Variants in CCSER1 observed in about 807,000 individuals in gnomAD.
The protein encoded by CCSER1 is coiled-coil serine rich protein 1.
CCSER1 carries 41 observed loss-of-function variants against 82.0 expected under a neutral mutation model. That is an observed-to-expected ratio of 0.50 (90% confidence interval 0.39 to 0.65). The LOEUF (loss-of-function observed/expected upper bound fraction) is 0.65, where lower values mean the gene tolerates loss of function less well. Ranked by LOEUF, CCSER1 falls within the 30% of genes least tolerant of loss-of-function variation. The pLI is 0.00. For missense variants in CCSER1, 1,119 were observed against 1,064.2 expected (o/e 1.05, Z -0.72); for synonymous variants, 414 against 383.9 (o/e 1.08, Z -0.92).
intron 5 of CCSER1, among the ~76,000 whole-genome samples, chr4:90,574,185 G>C (rs1215812853): frequency 1.4e-5 from 2 of 146,410 alleles, no homozygotes; most frequent in African/African-American, 5.1e-5. Context: ...CAGTTATTTA[G>C]CTTGTTTACA....
intron 4 of CCSER1, among the ~76,000 whole-genome samples, chr4:90,450,723 C>A (rs141846005): frequency 6.6e-6 from 1 of 152,140 alleles, no homozygotes; most frequent in Non-Finnish European, 1.5e-5. Flanking sequence ...AGCCCTCACC[C>A]CCATTCTGGG....
chr4:90,516,595 C>G (rs1772306269), intron 5 of CCSER1, among the ~76,000 whole-genome samples: 1 of 152,154 alleles, frequency 6.6e-6, no homozygotes, highest in African/African-American at 2.4e-5. Flanking sequence ...CCCTGCTTTA[C>G]CTTCTGCCCT....
intron 3 of CCSER1, among the ~76,000 whole-genome samples, chr4:90,317,953 T>C (rs938571928): frequency 3.9e-5 from 6 of 152,148 alleles, no homozygotes; most frequent in African/African-American, 1.4e-4. Flanking sequence ...TAATAATGAG[T>C]TTCCTGTATC....
At chr4:90,658,510 T>C (rs1291972543) in intron 6 of CCSER1, among the ~76,000 whole-genome samples, 1 of 152,144 alleles carries the variant, frequency 6.6e-6, no homozygotes, top group Non-Finnish European at 1.5e-5. Flanking sequence ...TTAAGACCTG[T>C]CATTCTCAAC....
intron 1 of CCSER1, among the ~76,000 whole-genome samples, chr4:90,302,297 A>G (rs1308027069): frequency 2.6e-5 from 4 of 152,218 alleles, no homozygotes; most frequent in Admixed American, 6.5e-5. Context: ...TATGTAAGCT[A>G]ATACTTGAGG....
At chr4:90,437,101 G>A (rs1012321121) in intron 4 of CCSER1, among the ~76,000 whole-genome samples, 20 of 152,124 alleles carry the variant, frequency 1.3e-4, no homozygotes, top group African/African-American at 4.3e-4. Flanking sequence ...GATTTCAGGC[G>A]TGAGCCACCG....
At chr4:90,296,718 C>G (rs1209743103) in intron 1 of CCSER1, among the ~76,000 whole-genome samples, 1 of 152,142 alleles carries the variant, frequency 6.6e-6, no homozygotes, top group African/African-American at 2.4e-5. Flanking sequence ...TATGGCTACC[C>G]AGTTTCCCCA....
intron 9 of CCSER1, among the ~76,000 whole-genome samples, chr4:90,982,130 G>A (rs985891463): frequency 7.9e-5 from 12 of 151,776 alleles, no homozygotes; most frequent in African/African-American, 2.4e-4. Flanking sequence ...CTTAACAAAC[G>A]TTTCTTACAG....
chr4:91,109,484 T>C (rs11097300), intron 10 of CCSER1, among the ~76,000 whole-genome samples: 15,101 of 151,714 alleles, frequency 0.1, 973 homozygotes, highest in East Asian at 0.27. Context: ...TAGGTAGTCC[T>C]AAGTTAAAAA....
At chr4:90,706,192 C>T (rs1739309592) in intron 6 of CCSER1, among the ~76,000 whole-genome samples, 1 of 152,206 alleles carries the variant, frequency 6.6e-6, no homozygotes, top group Non-Finnish European at 1.5e-5. Context: ...TAAAAGTTAC[C>T]TAGTTTATGG....
chr4:91,325,770 C>T (rs1374133584), intron 10 of CCSER1, among the ~76,000 whole-genome samples: 2 of 152,172 alleles, frequency 1.3e-5, no homozygotes, highest in Non-Finnish European at 2.9e-5. Flanking sequence ...ATCAATATGA[C>T]TTCAGCCTTC....
chr4:90,614,755 G>A (rs1343232439), intron 5 of CCSER1, among the ~76,000 whole-genome samples: 1 of 152,200 alleles, frequency 6.6e-6, no homozygotes, highest in African/African-American at 2.4e-5. Flanking sequence ...TAAAATAAAA[G>A]TGTAAGGTAA....
chr4:90,932,526 G>T (rs988461097), intron 9 of CCSER1, among the ~76,000 whole-genome samples: 1 of 151,758 alleles, frequency 6.6e-6, no homozygotes, highest in Non-Finnish European at 1.5e-5. Flanking sequence ...TTAAGTTTTG[G>T]GGGTTATAAG....
intron 10 of CCSER1, chr4:91,319,516 A>G (rs925893714): frequency 2.6e-6 from 1 of 386,026 alleles, no homozygotes; most frequent in Admixed American, 3.0e-5. Flanking sequence ...GAACTTTGTT[A>G]TGGATAAGAA....
chr4:90,570,964 C>T (rs546973501), intron 5 of CCSER1, among the ~76,000 whole-genome samples: 112 of 152,092 alleles, frequency 7.4e-4, no homozygotes, highest in African/African-American at 2.6e-3. Context: ...ATACAAGCAG[C>T]TAACAAACAT....
Position 90,723,630 on chromosome 4 carries a change from T to C in CCSER1, c.1933-284T>C, listed in dbSNP as rs536775506. ...TAAAATATAAATTAAGCAATGATGA[T>C]AATAAATACCACCCTAACACAAAAA... On this transcript the variant is annotated intron_variant, in intron 6 of 10. Transcript: ENST00000509176. Among the ~76,000 whole-genome samples the C allele has an allele frequency of 3.2e-3, 486 of 152,002 alleles. 1 individual carries two copies. The highest frequency in any genetic ancestry group is 0.011 in the African/African-American group (451 of 41,550).
chr4:90,231,131 C>G (rs1744441721), intron 1 of CCSER1, among the ~76,000 whole-genome samples: 1 of 152,170 alleles, frequency 6.6e-6, no homozygotes, highest in Middle Eastern at 3.4e-3. Context: ...ATGAGGCCAG[C>G]ATCATCCTGA....
chr4:91,212,888 C>G (rs764640339), intron 10 of CCSER1, among the ~76,000 whole-genome samples: 28 of 152,106 alleles, frequency 1.8e-4, no homozygotes, highest in Non-Finnish European at 3.4e-4. Context: ...TTGCCCACCT[C>G]CTTCTCTCCC....
At chr4:91,347,791 A>G (rs1468568819) in intron 10 of CCSER1, among the ~76,000 whole-genome samples, 1 of 151,944 alleles carries the variant, frequency 6.6e-6, no homozygotes, top group Non-Finnish European at 1.5e-5. Context: ...TAGTATTAAG[A>G]AAAAAATTGA....
Sources: allele counts gnomAD v4.1 joint callset (sites outside exome capture counted in the v4.1 genomes callset), GRCh38; gene constraint gnomAD v4.1.1; transcripts MANE v1.5; gene names NCBI Gene and HGNC (gene_info 2026-07-23, HGNC 2026-07-21).